CHST6: variants seen among roughly 807,000 people sequenced by gnomAD.
CHST6 encodes carbohydrate sulfotransferase 6.
For synonymous variants in CHST6, 309 were observed against 276.4 expected, an observed-to-expected ratio of 1.12 and a Z score of -1.17; for missense variants, 698 against 586.2, an observed-to-expected ratio of 1.19 and a Z score of -1.97.
At chr16:75,485,687 G>T (rs1450845676) in intron 1 of CHST6, among the ~76,000 whole-genome samples, 1 of 152,180 alleles carries the variant, frequency 6.6e-6, no homozygotes, top group African/African-American at 2.4e-5. Context: ...ATAAAGGTTG[G>T]AAAATAGAGA....
In CHST6 at chr16:75,473,804, G is replaced by A. The variant is rs1345442298; in HGVS notation, c.*4837C>T. The A allele has an allele frequency of 6.6e-6, 1 of 152,182 alleles. No homozygotes were observed. Among genetic ancestry groups the A allele is most frequent in the African/African-American group, 2.4e-5 (1 of 41,456 alleles). 9.4% of individuals were successfully genotyped at this position (152,182 alleles called of 1,614,324 possible). ...TGTATTTTTTAAAAATGCTGTGTAA[G>A]ACAGTGTTCCAAGCCATCACTTTGT... On this transcript the variant is annotated 3_prime_UTR_variant, in exon 3 of 3. Transcript: ENST00000332272.
chr16:75,485,658 C>CA (rs1045839141), intron 1 of CHST6, among the ~76,000 whole-genome samples: 2 of 151,966 alleles, frequency 1.3e-5, no homozygotes, highest in African/African-American at 4.8e-5. Flanking sequence ...AAAAGTAGAA[C>CA]AAAAAACATA....
chr16:75,487,806 T>TAA lies in CHST6; in HGVS notation c.-91-5917_-91-5916dup, dbSNP rs771817845. On this transcript the variant is annotated intron_variant, in intron 1 of 2. Coordinates refer to ENST00000332272, the MANE Select transcript of CHST6 (RefSeq NM_021615.5). Reference sequence around the variant, plus strand: ...AGACAGAGTGAGACTCCGTCCCCCCTAAAAAAAAAAAAAAAAAAAAAAAGA... The same window carrying TAA: ...AGACAGAGTGAGACTCCGTCCCCCCTAAAAAAAAAAAAAAAAAAAAAAAAAGA... Among the ~76,000 whole-genome samples the TAA allele has an allele frequency of 4.7e-3, 265 of 56,132 alleles. 1 individual carries two copies. Among genetic ancestry groups the TAA allele is most frequent in the African/African-American group, 0.012 (183 of 14,960 alleles). 36.8% of individuals were successfully genotyped at this position (56,132 alleles called of 152,430 possible). A position where few individuals can be genotyped will look rare whatever the true frequency, so the allele number is the denominator to read the frequency against.
chr16:75,479,056 A>G lies in CHST6; in HGVS notation c.773T>C (p.Leu258Pro), dbSNP rs746137486. ...SHVRIAEAAT[L>P]KPPPFLRGRY... The stretch of plus-strand genomic sequence containing the variant: ...GCCGCGCAGAAAGGGTGGCGGCTTG[A>G]GTGTGGCGGCCTCGGCGATGCGTAC... The change falls in exon 3 of 3, where the codon CTC becomes CCC. Residue 258 changes from leucine (L) to proline (P), a missense_variant. Physicochemically the swap from Leu to Pro is moderately conservative, Grantham distance 98 (BLOSUM62 -3). Coordinates refer to ENST00000332272, the MANE Select transcript of CHST6 (RefSeq NM_021615.5). The G allele has an allele frequency of 6.2e-7, 1 of 1,607,574 alleles. No individual in the cohort carries two copies. Among genetic ancestry groups the G allele is most frequent in the South Asian group, 1.1e-5 (1 of 91,040 alleles).
At chr16:75,484,444 A>G (rs1048765740) in intron 1 of CHST6, among the ~76,000 whole-genome samples, 1 of 152,234 alleles carries the variant, frequency 6.6e-6, no homozygotes, top group Non-Finnish European at 1.5e-5. Flanking sequence ...GCCTTTGTCC[A>G]GTGCCCTTTC....
rs140231054 is a variant in CHST6 at position 75,477,264 on chromosome 16, C to T, written c.*1377G>A. On this transcript the variant is annotated 3_prime_UTR_variant, in exon 3 of 3. Transcript: ENST00000332272. ...AAGGCTAATGTGCCTGTTCTCCCTC[C>T]ACGTAAAGCAGAAAATGCCAGATCT... 11 of 152,312 alleles carry T rather than the reference C, an allele frequency of 7.2e-5. No homozygotes were observed. The East Asian group carries it at 2.1e-3, about 29-fold the overall frequency. The allele number at this position is 152,312 out of a possible 1,614,324, so 9.4% of individuals were successfully genotyped here.
intron 1 of CHST6, among the ~76,000 whole-genome samples, chr16:75,491,553 G>A (rs1296049489): frequency 6.6e-6 from 1 of 151,898 alleles, no homozygotes; most frequent in Non-Finnish European, 1.5e-5. Flanking sequence ...GTATTTTTTA[G>A]TAGAGACCGG....
Position 75,479,078 on chromosome 16 carries a change from G to T in CHST6, c.751C>A (p.Arg251Ser). The T allele has an allele frequency of 6.2e-7, 1 of 1,605,850 alleles. No homozygotes were observed. Among genetic ancestry groups the T allele is most frequent in the Non-Finnish European group, 8.5e-7 (1 of 1,179,278 alleles). The change falls in exon 3 of 3, where the codon CGC becomes AGC. Residue 251 changes from arginine (R) to serine (S), a missense_variant. Arg to Ser is a moderately radical substitution (Grantham distance 110, BLOSUM62 -1). Coordinates refer to ENST00000332272, the MANE Select transcript of CHST6 (RefSeq NM_021615.5). The part of the protein sequence containing the change: ...VVREVCRSHV[R>S]IAEAATLKPP... ...TTGAGTGTGGCGGCCTCGGCGATGC[G>T]TACGTGGCTACGGCACACCTCGCGC...
At chr16:75,491,190 A>AAAAAAATATATATATAT (rs1206595857) in intron 1 of CHST6, among the ~76,000 whole-genome samples, 2 of 50,088 alleles carry the variant, frequency 4.0e-5, no homozygotes, top group Non-Finnish European at 3.0e-5. Context: ...AAAAAAAAAA[A>AAAAAAATATATATATAT]ATATATATAT....
chr16:75,491,556 G>A (rs1363163087), intron 1 of CHST6, among the ~76,000 whole-genome samples: 1 of 151,888 alleles, frequency 6.6e-6, no homozygotes, highest in South Asian at 2.1e-4. Flanking sequence ...TTTTTTAGTA[G>A]AGACCGGGTT....
chr16:75,483,182 T>C (rs2080161395), intron 1 of CHST6, among the ~76,000 whole-genome samples: 2 of 152,200 alleles, frequency 1.3e-5, no homozygotes, highest in Non-Finnish European at 2.9e-5. Flanking sequence ...AGGACTCCTG[T>C]TCCTAAGCTT....
chr16:75,490,081 G>A (rs2080239341), intron 1 of CHST6, among the ~76,000 whole-genome samples: 1 of 149,544 alleles, frequency 6.7e-6, no homozygotes, highest in Admixed American at 6.7e-5. Flanking sequence ...GGCGGGGAGG[G>A]AGAATCGCTT....
chr16:75,484,482 G>A (rs2080174332), intron 1 of CHST6, among the ~76,000 whole-genome samples: 3 of 152,194 alleles, frequency 2.0e-5, no homozygotes, highest in Non-Finnish European at 4.4e-5. Flanking sequence ...TCTCCCCCTT[G>A]AAAGTCTTCC....
chr16:75,480,066 C>CT (rs1211105048), intron 2 of CHST6, among the ~76,000 whole-genome samples: 1 of 152,168 alleles, frequency 6.6e-6, no homozygotes, highest in Non-Finnish European at 1.5e-5. Context: ...GGTCGGAAAT[C>CT]TGTCTACATG....
intron 1 of CHST6, among the ~76,000 whole-genome samples, chr16:75,483,223 C>T (rs1000431186): frequency 6.6e-6 from 1 of 152,238 alleles, no homozygotes; most frequent in African/African-American, 2.4e-5. Flanking sequence ...CTGTGGGCTT[C>T]TCCCACCTGT....
In CHST6 at chr16:75,486,767, G is replaced by A. The variant is rs74024795; in HGVS notation, c.-91-4876C>T. Among the ~76,000 whole-genome samples, 498 of 152,276 alleles carry A rather than the reference G, an allele frequency of 3.3e-3. 5 individuals are homozygous for A. Among genetic ancestry groups the A allele is most frequent in the African/African-American group, 0.011 (474 of 41,564 alleles). The stretch of plus-strand genomic sequence containing the variant: ...ATTCACTTTCTGCTTAAGTCCTTGG[G>A]AGATGAGTTTCTGTCACTTACACCC... On this transcript the variant is annotated intron_variant, in intron 1 of 2. Transcript: ENST00000332272.
At chr16:75,486,210 G>A (rs893465313) in intron 1 of CHST6, among the ~76,000 whole-genome samples, 4 of 152,242 alleles carry the variant, frequency 2.6e-5, no homozygotes, top group African/African-American at 7.2e-5. Context: ...GCCCTGCATT[G>A]TACTTTGCTT....
Position 75,475,322 on chromosome 16 carries a change from T to A in CHST6, c.*3319A>T, listed in dbSNP as rs1212319328. 6.6e-6 allele frequency: 1 copy of A among 152,240 alleles called. No individual in the cohort carries two copies. The highest frequency in any genetic ancestry group is 2.4e-5 in the African/African-American group (1 of 41,426). 9.4% of individuals were successfully genotyped at this position (152,240 alleles called of 1,614,324 possible). On this transcript the variant is annotated 3_prime_UTR_variant, in exon 3 of 3. Coordinates refer to ENST00000332272, the MANE Select transcript of CHST6 (RefSeq NM_021615.5). ...CACAGGAAGTTGCACTACACTTGTC[T>A]ACAGGACAAAGCAAGTCACAGGACC...
chr16:75,490,080 G>T (rs1327841610), intron 1 of CHST6, among the ~76,000 whole-genome samples: 2 of 149,632 alleles, frequency 1.3e-5, no homozygotes, highest in East Asian at 4.1e-4. Context: ...CGGCGGGGAG[G>T]GAGAATCGCT....
Sources: gnomAD v4.1 joint callset for allele counts (sites outside exome capture counted in the v4.1 genomes callset) on GRCh38, gnomAD v4.1.1 for gene constraint, MANE v1.5 for transcripts, NCBI Gene and HGNC (gene_info 2026-07-23, HGNC 2026-07-21) for gene names.